THEM6: variants seen among roughly 807,000 people sequenced by gnomAD.
THEM6 encodes protein THEM6.
Under a neutral mutation model 13.7 loss-of-function variants are expected in THEM6, and 10 were observed. The ratio of observed to expected loss-of-function variants is 0.73; its 90% CI spans 0.45 to 1.24. THEM6 has a LOEUF of 1.24. Ranked by LOEUF, THEM6 falls within the 50% of genes most tolerant of loss-of-function variation. THEM6 has a pLI of 0.00. For synonymous variants in THEM6, 161 were observed against 156.0 expected, an observed-to-expected ratio of 1.03 and a Z score of -0.24; for missense variants, 317 against 312.6, an observed-to-expected ratio of 1.01 and a Z score of -0.11.
At chr8:142,733,742 C>T (rs1452184333) in intron 1 of THEM6, among the ~76,000 whole-genome samples, 2 of 152,196 alleles carry the variant, frequency 1.3e-5, no homozygotes, top group Non-Finnish European at 2.9e-5. Context: ...TTTACTTTGC[C>T]AAGGATAAGG....
intron 1 of THEM6, among the ~76,000 whole-genome samples, chr8:142,734,126 C>G (rs1013631757): frequency 3.3e-5 from 5 of 152,224 alleles, no homozygotes; most frequent in Non-Finnish European, 7.3e-5. Context: ...CTATCATGGC[C>G]TGGGCTAGTC....
intron 1 of THEM6, among the ~76,000 whole-genome samples, chr8:142,732,204 A>ATATATATATG (rs1382315215): frequency 1.6e-4 from 16 of 102,676 alleles, no homozygotes; most frequent in African/African-American, 5.1e-4. Context: ...ATATATATAT[A>ATATATATATG]TATTTTAACT....
chr8:142,734,660 G>T (rs1417692994), intron 1 of THEM6: 1 of 152,710 alleles, frequency 6.5e-6, no homozygotes, highest in Non-Finnish European at 1.5e-5. Flanking sequence ...GCTCTGCTGG[G>T]ACTTGCCATG....
Position 142,734,041 on chromosome 8 carries a change from T to C in THEM6, c.514-1285T>C, listed in dbSNP as rs368040990. ...TGCAGGCTTCAGAGGGAATAGATCATAAATGTTTCTTGTCGGACTTAAGGT... is the reference window on the plus strand; with the variant it reads ...TGCAGGCTTCAGAGGGAATAGATCACAAATGTTTCTTGTCGGACTTAAGGT... On this transcript the variant is annotated intron_variant, in intron 1 of 1. Coordinates refer to ENST00000336138, the MANE Select transcript of THEM6 (RefSeq NM_016647.3). Among the ~76,000 whole-genome samples the C allele has an allele frequency of 1.0e-3, 159 of 152,342 alleles. 2 individuals carry two copies. Among genetic ancestry groups the C allele is most frequent in the African/African-American group, 3.6e-3 (148 of 41,584 alleles).
At chr8:142,727,963 A>G in intron 1 of THEM6, 104 bp downstream of exon 1, 1 of 1,273,826 alleles carries the variant, frequency 7.9e-7, no homozygotes, top group Non-Finnish European at 1.0e-6. Flanking sequence ...CGCTGCCTGC[A>G]CCTCTTTCGG....
chr8:142,727,340 C>T lies in THEM6; in HGVS notation c.-7C>T. 3.3e-6 allele frequency: 5 copies of T among 1,505,264 alleles called. No homozygotes were observed. Among genetic ancestry groups the T allele is most frequent in the Non-Finnish European group, 4.4e-6 (5 of 1,134,430 alleles). 93.2% of individuals were successfully genotyped at this position (1,505,264 alleles called of 1,614,324 possible). A position where few individuals can be genotyped will look rare whatever the true frequency, so the allele number is the denominator to read the frequency against. On this transcript the variant is annotated 5_prime_UTR_variant, in exon 1 of 2. Transcript: ENST00000336138. ...CTCCGCAGGACCCCGCGCCCGCCGC[C>T]GCCGCTATGCTGGGGCTGCTGGTGG...
At chr8:142,730,987 C>T (rs1815635503) in intron 1 of THEM6, among the ~76,000 whole-genome samples, 1 of 152,146 alleles carries the variant, frequency 6.6e-6, no homozygotes, top group African/African-American at 2.4e-5. Context: ...CCTCGTGATC[C>T]GCCCGCCTCA....
chr8:142,733,890 T>C (rs1437178317), intron 1 of THEM6, among the ~76,000 whole-genome samples: 1 of 152,118 alleles, frequency 6.6e-6, no homozygotes, highest in Non-Finnish European at 1.5e-5. Flanking sequence ...TTTCAGGTCA[T>C]GGTAGATGTA....
At chr8:142,733,857 T>C (rs950613733) in intron 1 of THEM6, among the ~76,000 whole-genome samples, 16 of 152,190 alleles carry the variant, frequency 1.1e-4, no homozygotes, top group Admixed American at 6.5e-4. Context: ...AAGATTCACA[T>C]TGATGCCATC....
rs1272963197 is a variant in THEM6 at position 142,736,207 on chromosome 8, G to A, written c.*768G>A. ...GGGCGTTCCCTTGTTGGAGGGAATA[G>A]AGTGGGGGTGGGACTCTGCAGGGGT... On this transcript the variant is annotated 3_prime_UTR_variant, in exon 2 of 2. Coordinates refer to ENST00000336138, the MANE Select transcript of THEM6 (RefSeq NM_016647.3). 6.6e-6 allele frequency: 1 copy of A among 152,448 alleles called. No homozygotes were observed. The highest frequency in any genetic ancestry group is 1.5e-5 in the Non-Finnish European group (1 of 68,260). 9.4% of individuals were successfully genotyped at this position (152,448 alleles called of 1,614,324 possible).
intron 1 of THEM6, among the ~76,000 whole-genome samples, chr8:142,728,638 G>A (rs1170819109): frequency 6.6e-6 from 1 of 152,246 alleles, no homozygotes; most frequent in African/African-American, 2.4e-5. Context: ...TCTCATCTCA[G>A]TCCTGATGTT....
intron 1 of THEM6, among the ~76,000 whole-genome samples, chr8:142,731,756 C>T (rs1176515054): frequency 6.6e-6 from 1 of 152,224 alleles, no homozygotes; most frequent in Non-Finnish European, 1.5e-5. Context: ...AGCCCCTGGG[C>T]ATGCACTGCC....
rs147559266 is a variant in THEM6, at chr8:142,731,959, G to A, written c.514-3367G>A. 2.6e-3 allele frequency among the ~76,000 whole-genome samples: 401 copies of A among 151,660 alleles called. 5 individuals are homozygous for A. The highest frequency in any genetic ancestry group is 0.016 in the South Asian group (76 of 4,776). Reference sequence around the variant, plus strand: ...CCTCCTCTGCTCTCTTCCTGGCGCCGCTGTGCTTGCTGTTTTTGCTTTCTT... The same window carrying A: ...CCTCCTCTGCTCTCTTCCTGGCGCCACTGTGCTTGCTGTTTTTGCTTTCTT... On this transcript the variant is annotated intron_variant, in intron 1 of 1. Transcript: ENST00000336138.
rs1554642415 is a variant in THEM6 at position 142,727,402 on chromosome 8, T to G, written c.56T>G (p.Leu19Arg). Residue 19 changes from leucine (L) to arginine (R), a missense_variant, in exon 1 of 2, where the codon CTG (leucine) becomes CGG (arginine). Leu to Arg is a moderately radical substitution (Grantham distance 102, BLOSUM62 -2). Coordinates refer to ENST00000336138, the MANE Select transcript of THEM6 (RefSeq NM_016647.3). ...LALGLAVFAL[L>R]DVWYLVRLPC... Reference sequence around the variant, plus strand: ...CTGGGGCTCGCTGTCTTTGCGCTGCTGGACGTCTGGTACCTGGTGCGCCTT... The same window carrying G: ...CTGGGGCTCGCTGTCTTTGCGCTGCGGGACGTCTGGTACCTGGTGCGCCTT... 2.6e-6 allele frequency: 4 copies of G among 1,531,896 alleles called. No individual in the cohort carries two copies. In the East Asian group the frequency reaches 7.6e-5, roughly 29 times the overall value. The allele number at this position is 1,531,896 out of a possible 1,614,324, so 94.9% of individuals were successfully genotyped here. A position where few individuals can be genotyped will look rare whatever the true frequency, so the allele number is the denominator to read the frequency against.
At position 142,727,292 on chromosome 8, in the gene THEM6, G is replaced by C. The variant is rs1815507880; in HGVS notation, c.-55G>C. ...GGCGGGCACCGTAACCAGCGCCGCG[G>C]ACACCGGCACCGGCGCCACGGACTC... On this transcript the variant is annotated 5_prime_UTR_variant, in exon 1 of 2. Coordinates refer to ENST00000336138, the MANE Select transcript of THEM6 (RefSeq NM_016647.3). 1.4e-6 allele frequency: 2 copies of C among 1,410,920 alleles called. No individual in the cohort carries two copies. The highest frequency in any genetic ancestry group is 3.0e-5 in the African/African-American group (2 of 65,820). 87.4% of individuals were successfully genotyped at this position (1,410,920 alleles called of 1,614,324 possible).
intron 1 of THEM6, among the ~76,000 whole-genome samples, chr8:142,734,055 C>T (rs35962411): frequency 0.025 from 3,814 of 152,278 alleles, 57 homozygotes; most frequent in South Asian, 0.064. Context: ...TGTTTCTTGT[C>T]GGACTTAAGG....
intron 1 of THEM6, among the ~76,000 whole-genome samples, chr8:142,730,303 TTTTC>T (rs1167085173): frequency 6.6e-6 from 1 of 152,300 alleles, no homozygotes; most frequent in African/African-American, 2.4e-5. Flanking sequence ...GGCTCAAGTT[TTTTC>T]TTTCTGTCTT....
intron 1 of THEM6, among the ~76,000 whole-genome samples, chr8:142,728,937 C>CT (rs58263738): frequency 0.42 from 45,491 of 107,256 alleles, 11,023 homozygotes; most frequent in Non-Finnish European, 0.47. Context: ...TTACTATTTT[C>CT]TTTTTTTTTT....
In THEM6 at chr8:142,730,783, C is replaced by T. The variant is rs781812527; in HGVS notation, c.513+2924C>T. 9.6e-5 allele frequency among the ~76,000 whole-genome samples: 14 copies of T among 146,576 alleles called. 1 individual carries two copies. The highest frequency in any genetic ancestry group is 5.5e-4 in the Admixed American group (8 of 14,592). On this transcript the variant is annotated intron_variant, in intron 1 of 1. Transcript: ENST00000336138. ...TTTTTGAGACAGAGTCTTGCTCTGT[C>T]GCCCAGGCTGGAGTGCAGTGGCGCA...
Sources: allele counts gnomAD v4.1 joint callset (sites outside exome capture counted in the v4.1 genomes callset), GRCh38; gene constraint gnomAD v4.1.1; transcripts MANE v1.5; gene names NCBI Gene and HGNC (gene_info 2026-07-23, HGNC 2026-07-21).